PARVB: variants seen among roughly 807,000 people sequenced by gnomAD.
PARVB encodes beta-parvin.
PARVB carries 46 observed loss-of-function variants against 47.0 expected under a neutral mutation model. The observed-to-expected ratio is 0.98, with a 90% CI of 0.77 to 1.25. The LOEUF is 1.25. PARVB is among the 50% of genes most tolerant of loss of function. The probability of loss-of-function intolerance (pLI) is 0.00; values close to 1 mark genes in which losing one functional copy is unlikely to be tolerated. For missense variants in PARVB, 473 were observed against 471.6 expected (o/e 1.00, Z -0.03); for synonymous variants, 196 against 196.3 (o/e 1.00, Z 0.01).
intron 1 of PARVB, among the ~76,000 whole-genome samples, chr22:44,092,840 C>T (rs565356622): frequency 2.6e-5 from 4 of 152,220 alleles, no homozygotes; most frequent in Non-Finnish European, 4.4e-5. Context: ...CATCATCTGC[C>T]GCTGTGGAGG....
intron 1 of PARVB, among the ~76,000 whole-genome samples, chr22:44,033,422 C>T (rs1217618156): frequency 6.6e-6 from 1 of 152,178 alleles, no homozygotes; most frequent in African/African-American, 2.4e-5. Context: ...GCTGGAATTC[C>T]TTGTACCCAG....
intron 11 of PARVB, among the ~76,000 whole-genome samples, chr22:44,160,723 A>G (rs1249983971): frequency 6.6e-6 from 1 of 152,234 alleles, no homozygotes; most frequent in Admixed American, 6.5e-5. Flanking sequence ...AGAAGAAAGC[A>G]GAAGGAAAAT....
At chr22:44,106,979 A>G (rs1436815424) in intron 3 of PARVB, 3 of 152,218 alleles carry the variant, frequency 2.0e-5, no homozygotes, top group Admixed American at 6.5e-5. Flanking sequence ...AAAGTGGGAG[A>G]ATAATAGCAC....
intron 1 of PARVB, among the ~76,000 whole-genome samples, chr22:44,051,982 C>A (rs532581612): frequency 9.2e-5 from 14 of 152,250 alleles, no homozygotes; most frequent in Non-Finnish European, 1.9e-4. Context: ...TGGGAAGAGG[C>A]CAGGACGGAT....
intron 4 of PARVB, 49 bp from the exon 5 acceptor site, chr22:44,131,438 G>T (rs199641904): frequency 6.3e-7 from 1 of 1,599,842 alleles, no homozygotes; most frequent in South Asian, 1.1e-5. Flanking sequence ...CACTGCGCCT[G>T]GCCCTTCCAG....
chr22:44,088,873 A>G (rs529584722), intron 1 of PARVB, among the ~76,000 whole-genome samples: 2 of 152,238 alleles, frequency 1.3e-5, no homozygotes, highest in East Asian at 1.9e-4. Context: ...CCCCTTTCCA[A>G]TGGACAGTCA....
At chr22:44,003,905 G>A (rs114301443) in intron 2 of PARVB, among the ~76,000 whole-genome samples, 129 of 152,318 alleles carry the variant, frequency 8.5e-4, no homozygotes, top group African/African-American at 3.0e-3. Flanking sequence ...CTTCCCTGAA[G>A]TTGTTCCAAA....
chr22:44,040,896 G>C (rs977026113), intron 1 of PARVB, among the ~76,000 whole-genome samples: 1 of 151,992 alleles, frequency 6.6e-6, no homozygotes, highest in African/African-American at 2.4e-5. Flanking sequence ...CCAGCTACTC[G>C]AGAGGCTGAG....
chr22:44,078,619 G>A (rs567698994), intron 1 of PARVB, among the ~76,000 whole-genome samples: 3 of 152,286 alleles, frequency 2.0e-5, no homozygotes, highest in African/African-American at 7.2e-5. Context: ...TCCCCCTCTT[G>A]CCATGTGAAG....
chr22:44,079,290 C>T (rs1454826285), intron 1 of PARVB, among the ~76,000 whole-genome samples: 1 of 152,156 alleles, frequency 6.6e-6, no homozygotes, highest in Non-Finnish European at 1.5e-5. Flanking sequence ...GCTAGTGCAC[C>T]ATCCTTGTGT....
chr22:44,037,081 G>C (rs1293469191), intron 1 of PARVB, among the ~76,000 whole-genome samples: 1 of 152,118 alleles, frequency 6.6e-6, no homozygotes, highest in Non-Finnish European at 1.5e-5. Flanking sequence ...CAGTACTTTG[G>C]GAGGCCAAGG....
intron 12 of PARVB, among the ~76,000 whole-genome samples, chr22:44,165,454 G>C (rs868609585): frequency 6.6e-6 from 1 of 152,196 alleles, no homozygotes; most frequent in African/African-American, 2.4e-5. Flanking sequence ...TACCGGCCCG[G>C]CCTGGGTCTC....
intron 1 of PARVB, among the ~76,000 whole-genome samples, chr22:44,033,607 C>T (rs566547775): frequency 6.6e-6 from 1 of 152,224 alleles, no homozygotes; most frequent in South Asian, 2.1e-4. Context: ...TTGGTTTTGG[C>T]CTTTGAACCT....
In PARVB at chr22:44,068,727, C is replaced by T. The variant is rs1015614973; in HGVS notation, c.113-25201C>T. On this transcript the variant is annotated intron_variant, in intron 1 of 12. Transcript: ENST00000338758. The surrounding 1 kb of genome is among the most constrained non-coding windows in gnomAD (Gnocchi z 4.1). ...ACCCAGCTCCGTGCCAGCTTGCAGA[C>T]CCCCAATCACTTCTCCTGTCTCAGG... Among the ~76,000 whole-genome samples, 1 of 152,184 alleles carries T rather than the reference C, an allele frequency of 6.6e-6. No individual in the cohort carries two copies. The highest frequency in any genetic ancestry group is 2.4e-5 in the African/African-American group (1 of 41,454).
intron 2 of PARVB, among the ~76,000 whole-genome samples, chr22:44,017,410 C>T (rs952654692): frequency 6.6e-6 from 1 of 152,162 alleles, no homozygotes; most frequent in Non-Finnish European, 1.5e-5. Flanking sequence ...TTGCATTTAA[C>T]ATAGGATTCC....
upstream of PARVB, among the ~76,000 whole-genome samples, chr22:44,021,763 A>T (rs1250232998): frequency 4.9e-4 from 10 of 20,402 alleles, no homozygotes; most frequent in East Asian, 0.013. Flanking sequence ...CTAGACTCAC[A>T]CACACACACA....
chr22:44,055,557 T>A (rs2051291094), intron 1 of PARVB, among the ~76,000 whole-genome samples: 1 of 151,976 alleles, frequency 6.6e-6, no homozygotes, highest in South Asian at 2.1e-4. Flanking sequence ...ATGATCTCGA[T>A]CTCCTGACCT....
intron 2 of PARVB, among the ~76,000 whole-genome samples, chr22:44,005,352 G>A (rs8141269): frequency 0.77 from 114,381 of 148,348 alleles, 44,365 homozygotes; most frequent in East Asian, 0.85. Flanking sequence ...GGCTCAAGCA[G>A]TCCTCCTGCC....
intron 2 of PARVB, among the ~76,000 whole-genome samples, chr22:44,016,878 T>C (rs2050588807): frequency 6.6e-6 from 1 of 152,120 alleles, no homozygotes; most frequent in Admixed American, 6.6e-5. Flanking sequence ...CATTTTATTT[T>C]ATTTTATTTT....
Sources: gnomAD v4.1 joint callset for allele counts (sites outside exome capture counted in the v4.1 genomes callset) on GRCh38, gnomAD v4.1.1 for gene constraint, Gnocchi (gnomAD v3.1) non-coding constraint, MANE v1.5 for transcripts, NCBI Gene and HGNC (gene_info 2026-07-23, HGNC 2026-07-21) for gene names.